CTSS: variants seen among roughly 807,000 people sequenced by gnomAD.
The protein encoded by CTSS is cathepsin S.
In CTSS, 15 loss-of-function variants were observed where a neutral mutation model predicts 39.9. The ratio of observed to expected loss-of-function variants is 0.38; its 90% CI spans 0.25 to 0.58. CTSS has a LOEUF of 0.58. Ranked by LOEUF, CTSS falls within the 20% of genes least tolerant of loss-of-function variation. The probability of loss-of-function intolerance (pLI) is 0.70; values close to 1 mark genes in which losing one functional copy is unlikely to be tolerated. For synonymous variants in CTSS, 126 were observed against 138.2 expected, an observed-to-expected ratio of 0.91 and a Z score of 0.62; for missense variants, 250 against 398.2, an observed-to-expected ratio of 0.63 and a Z score of 3.17.
chr1:150,747,740 C>A, intron 7 of CTSS, 37 bp downstream of exon 7: 1 of 1,395,258 alleles, frequency 7.2e-7, no homozygotes, highest in Non-Finnish European at 1.0e-6. Context: ...CCCTCAAATT[C>A]CTGATTCCAA....
At chr1:150,758,032 T>A (rs758646686) in intron 2 of CTSS, 52 bp from the exon 3 acceptor site, 11 of 1,554,682 alleles carry the variant, frequency 7.1e-6, no homozygotes, top group Non-Finnish European at 8.7e-7. Context: ...GACAAATAAG[T>A]GTTTGATGAT....
intron 4 of CTSS, among the ~76,000 whole-genome samples, chr1:150,754,111 CTT>C (rs751446609): frequency 2.6e-3 from 333 of 128,192 alleles, no homozygotes; most frequent in East Asian, 4.8e-3. Flanking sequence ...CTCCTATACA[CTT>C]TTTTTTTTTT....
intron 2 of CTSS, among the ~76,000 whole-genome samples, chr1:150,763,450 C>T (rs991151335): frequency 6.6e-6 from 1 of 151,974 alleles, no homozygotes. Flanking sequence ...TTTAAATGTT[C>T]TTATCACAAT....
chr1:150,738,227 T>C (rs1652673765), intron 7 of CTSS, among the ~76,000 whole-genome samples: 1 of 152,198 alleles, frequency 6.6e-6, no homozygotes, highest in African/African-American at 2.4e-5. Flanking sequence ...GGATGGTGGC[T>C]TGAACTCTAA....
intron 7 of CTSS, among the ~76,000 whole-genome samples, chr1:150,737,736 G>A (rs1270682432): frequency 2.6e-5 from 4 of 151,996 alleles, no homozygotes; most frequent in East Asian, 1.9e-4. Flanking sequence ...TATGATAAAC[G>A]AAGAAATACT....
intron 5 of CTSS, 69 bp from the exon 6 acceptor site, chr1:150,750,240 C>T: frequency 7.9e-7 from 1 of 1,273,340 alleles, no homozygotes; most frequent in Non-Finnish European, 1.1e-6. Flanking sequence ...TATCCTAAGC[C>T]TGGATTTTAA....
intron 2 of CTSS, among the ~76,000 whole-genome samples, chr1:150,759,340 C>A (rs1571106386): frequency 6.6e-6 from 1 of 152,204 alleles, no homozygotes; most frequent in East Asian, 1.9e-4. Flanking sequence ...CACCATTCCA[C>A]CTAATTCTCT....
At position 150,751,994 on chromosome 1, in the gene CTSS, A is replaced by C. The variant is rs766345550; in HGVS notation, c.414T>G (p.Ala138=). ...TEVKYQGSCG[A]CWAFSAVGAL... is the part of the protein sequence containing the mutation. ...CCCCCACAGCACTGAAAGCCCAGCA[A>C]GCACCACAAGAACCCTAAAACAGAT... The change falls in exon 5 of 8, where the codon GCT becomes GCG. Residue 138 remains alanine (A), a synonymous_variant. Transcript: ENST00000368985. 3 of 1,614,070 alleles carry C rather than the reference A, an allele frequency of 1.9e-6. No individual in the cohort carries two copies. The highest frequency in any genetic ancestry group is 2.5e-6 in the Non-Finnish European group (3 of 1,180,038).
intron 5 of CTSS, 62 bp from the exon 6 acceptor site, chr1:150,750,233 C>T (rs1652982337): frequency 7.6e-7 from 1 of 1,319,934 alleles, no homozygotes; most frequent in African/African-American, 1.5e-5. Context: ...TCACCTGTAT[C>T]CTAAGCCTGG....
chr1:150,744,739 G>T (rs1037595517), intron 7 of CTSS, among the ~76,000 whole-genome samples: 1 of 146,182 alleles, frequency 6.8e-6, no homozygotes, highest in African/African-American at 2.5e-5. Flanking sequence ...ATTTTTTCAT[G>T]TTAGATTGTG....
chr1:150,761,940 G>A (rs183589624), intron 2 of CTSS, among the ~76,000 whole-genome samples: 114 of 152,118 alleles, frequency 7.5e-4, no homozygotes, highest in Admixed American at 1.3e-3. Flanking sequence ...AAATTCATGC[G>A]GAACTACAAA....
intron 7 of CTSS, among the ~76,000 whole-genome samples, chr1:150,741,974 C>T (rs960500198): frequency 1.3e-5 from 2 of 151,932 alleles, no homozygotes; most frequent in African/African-American, 4.8e-5. Context: ...TAGGGTGGCT[C>T]ATGCCTGTAA....
At chr1:150,736,760 C>T (rs1000718965) in intron 7 of CTSS, among the ~76,000 whole-genome samples, 3 of 150,408 alleles carry the variant, frequency 2.0e-5, no homozygotes, top group African/African-American at 7.5e-5. Context: ...TTCCCTTAAA[C>T]AATGAAACTG....
At chr1:150,761,474 G>A (rs1430039620) in intron 2 of CTSS, among the ~76,000 whole-genome samples, 1 of 152,190 alleles carries the variant, frequency 6.6e-6, no homozygotes, top group Non-Finnish European at 1.5e-5. Context: ...GCTCACACCT[G>A]TAATCCCAGC....
At chr1:150,750,284 G>T in intron 5 of CTSS, 113 bp from the exon 6 acceptor site, 1 of 747,342 alleles carries the variant, frequency 1.3e-6, no homozygotes, top group Non-Finnish European at 2.1e-6. Context: ...TTTTTCATGT[G>T]TCTAAGGCTC....
At chr1:150,750,655 G>T (rs1363814500) in intron 5 of CTSS, among the ~76,000 whole-genome samples, 1 of 151,686 alleles carries the variant, frequency 6.6e-6, no homozygotes, top group Non-Finnish European at 1.5e-5. Context: ...TTATTTTTTT[G>T]AGATAGGCTC....
In CTSS at chr1:150,730,551, C is replaced by T. The variant is rs895363097; in HGVS notation, c.*2495G>A. 6.2e-5 allele frequency: 8 copies of T among 128,348 alleles called. No individual in the cohort carries two copies. The highest frequency in any genetic ancestry group is 2.2e-4 in the African/African-American group (8 of 36,948). The allele number at this position is 128,348 out of a possible 1,614,324, so 8.0% of individuals were successfully genotyped here. ...GTTTTATGGCTGCTTCTGGGGAGAA[C>T]AGCAGGCAGAAGGTCAGAGTCACCT... On this transcript the variant is annotated 3_prime_UTR_variant, in exon 8 of 8. Coordinates refer to ENST00000368985, the MANE Select transcript of CTSS (RefSeq NM_004079.5).
intron 3 of CTSS, among the ~76,000 whole-genome samples, chr1:150,756,520 A>G (rs763406433): frequency 1.3e-5 from 2 of 152,146 alleles, no homozygotes; most frequent in Non-Finnish European, 2.9e-5. Flanking sequence ...ACCACAGACA[A>G]GTGAGTAGTG....
chr1:150,740,075 A>C (rs990157755), intron 7 of CTSS, among the ~76,000 whole-genome samples: 1 of 152,214 alleles, frequency 6.6e-6, no homozygotes, highest in African/African-American at 2.4e-5. Context: ...AGCTTGGCAC[A>C]TGGTAGGTAC....
Sources: allele counts gnomAD v4.1 joint callset (sites outside exome capture counted in the v4.1 genomes callset), GRCh38; gene constraint gnomAD v4.1.1; transcripts MANE v1.5; gene names NCBI Gene and HGNC (gene_info 2026-07-23, HGNC 2026-07-21).